MYPN: variants seen among roughly 807,000 people sequenced by gnomAD.
MYPN encodes sarcomeric protein myopalladin, 145 kDa (MYOP).
A neutral mutation model predicts 129.4 loss-of-function variants in MYPN; 63 were observed. The ratio of observed to expected loss-of-function variants is 0.49; its 90% confidence interval spans 0.40 to 0.60. The LOEUF (loss-of-function observed/expected upper bound fraction) is 0.60. Among genes scored for constraint, MYPN ranks in the 20% least tolerant of loss-of-function variants. The pLI, the probability that MYPN is intolerant of heterozygous loss-of-function variation, is 0.00. For synonymous variants in MYPN, 629 were observed against 600.9 expected, an observed-to-expected ratio of 1.05 and a Z score of -0.68; for missense variants, 1,596 against 1,635.4, an observed-to-expected ratio of 0.98 and a Z score of 0.42.
chr10:68,147,933 G>C (rs1213465654), intron 4 of MYPN, among the ~76,000 whole-genome samples: 1 of 152,098 alleles, frequency 6.6e-6, no homozygotes, highest in Admixed American at 6.6e-5. Context: ...TTATATATGA[G>C]AGACCCTGTC....
intron 6 of MYPN, among the ~76,000 whole-genome samples, chr10:68,153,922 GTT>G (rs758603536): frequency 6.9e-6 from 1 of 145,128 alleles, no homozygotes; most frequent in Admixed American, 6.9e-5. Context: ...CAAGAAGCCA[GTT>G]TTTTTTTTTT....
chr10:68,123,203 C>T (rs1291945933), intron 2 of MYPN, among the ~76,000 whole-genome samples: 1 of 151,368 alleles, frequency 6.6e-6, no homozygotes, highest in Non-Finnish European at 1.5e-5. Flanking sequence ...GGCGAAACCC[C>T]ATCTCTACTA....
intron 1 of MYPN, among the ~76,000 whole-genome samples, chr10:68,096,643 C>T (rs555129674): frequency 6.6e-6 from 1 of 152,290 alleles, no homozygotes; most frequent in Non-Finnish European, 1.5e-5. Context: ...TTGTATTTGA[C>T]ATCTGTCCCA....
chr10:68,154,281 C>T (rs370180089), intron 6 of MYPN, among the ~76,000 whole-genome samples: 3 of 152,356 alleles, frequency 2.0e-5, no homozygotes, highest in East Asian at 3.9e-4. Flanking sequence ...TTACTCCTAT[C>T]ACTGCTCCCA....
intron 13 of MYPN, among the ~76,000 whole-genome samples, chr10:68,192,750 G>C (rs1159178623): frequency 1.3e-5 from 2 of 152,006 alleles, no homozygotes; most frequent in African/African-American, 4.8e-5. Context: ...TTGGTAGGTT[G>C]TATGTGTCCA....
chr10:68,130,046 A>G (rs1283230529), intron 2 of MYPN, among the ~76,000 whole-genome samples: 1 of 152,184 alleles, frequency 6.6e-6, no homozygotes, highest in Non-Finnish European at 1.5e-5. Flanking sequence ...AATGAGGTTG[A>G]AATTTTTTTG....
intron 3 of MYPN, among the ~76,000 whole-genome samples, chr10:68,144,913 T>C (rs549036509): frequency 6.6e-6 from 1 of 152,338 alleles, no homozygotes; most frequent in African/African-American, 2.4e-5. Flanking sequence ...GTCAGTTAAT[T>C]TGAACAGTGC....
At chr10:68,192,173 C>A (rs1239788697) in intron 13 of MYPN, among the ~76,000 whole-genome samples, 1 of 152,124 alleles carries the variant, frequency 6.6e-6, no homozygotes, top group African/African-American at 2.4e-5. Flanking sequence ...TGTGTTCCTT[C>A]TACACTCAAT....
intron 1 of MYPN, among the ~76,000 whole-genome samples, chr10:68,099,097 C>T (rs1343078406): frequency 6.6e-6 from 1 of 151,982 alleles, no homozygotes; most frequent in Non-Finnish European, 1.5e-5. Context: ...CTTTTTGTTG[C>T]CTTGTATACC....
intron 18 of MYPN, among the ~76,000 whole-genome samples, chr10:68,202,449 A>G (rs2043734428): frequency 6.6e-6 from 1 of 151,524 alleles, no homozygotes. Flanking sequence ...AAGAAAAAAA[A>G]AAGTACAAGG....
chr10:68,202,812 T>C (rs188400212), intron 18 of MYPN, among the ~76,000 whole-genome samples: 1 of 151,300 alleles, frequency 6.6e-6, no homozygotes, highest in Non-Finnish European at 1.5e-5. Flanking sequence ...GCTGTAGCTG[T>C]TGGGTTTTAA....
intron 1 of MYPN, among the ~76,000 whole-genome samples, chr10:68,091,039 TAAA>T (rs2041928729): frequency 6.6e-6 from 1 of 152,186 alleles, no homozygotes; most frequent in East Asian, 1.9e-4. Flanking sequence ...TTTACAATGA[TAAA>T]AATGGTTTTA....
rs876657922 is a variant in MYPN, at chr10:68,174,535, A to G, written c.2443A>G (p.Ile815Val). The change falls in exon 11 of 20, where the codon ATT (isoleucine) becomes GTT (valine). Residue 815 changes from isoleucine (I) to valine (V), a missense_variant. Physicochemically the swap from Ile to Val is conservative, Grantham distance 29 (BLOSUM62 3). Coordinates refer to ENST00000358913, the MANE Select transcript of MYPN (RefSeq NM_032578.4). ...GTTTCAGCCCCGCTGTGTGTCCCCA[A>G]TTCCTGTCTCTCCTACCAGCCGGAT... is the stretch of plus-strand genomic sequence containing the variant. Reference protein sequence around the residue: ...NQFQPRCVSPIPVSPTSRIQN... With the variant: ...NQFQPRCVSPVPVSPTSRIQN... 1.2e-6 allele frequency: 2 copies of G among 1,614,008 alleles called. No individual in the cohort carries two copies. Among genetic ancestry groups the G allele is most frequent in the Non-Finnish European group, 1.7e-6 (2 of 1,179,948 alleles).
At chr10:68,154,439 C>A (rs2042832849) in intron 6 of MYPN, among the ~76,000 whole-genome samples, 1 of 152,186 alleles carries the variant, frequency 6.6e-6, no homozygotes, top group Non-Finnish European at 1.5e-5. Flanking sequence ...AGGCAGGAAA[C>A]CCTGAAATAA....
chr10:68,116,099 T>C (rs1396352291), intron 1 of MYPN, among the ~76,000 whole-genome samples: 2 of 152,228 alleles, frequency 1.3e-5, no homozygotes, highest in Non-Finnish European at 2.9e-5. Context: ...TGTCTTTTGT[T>C]CACCACTGAA....
chr10:68,088,658 C>T (rs541235841), intron 1 of MYPN, among the ~76,000 whole-genome samples: 1 of 152,224 alleles, frequency 6.6e-6, no homozygotes, highest in African/African-American at 2.4e-5. Flanking sequence ...TGGTAAAAAC[C>T]TTCCAGTGCT....
intron 1 of MYPN, among the ~76,000 whole-genome samples, chr10:68,098,662 G>A (rs1329199206): frequency 1.3e-5 from 2 of 152,104 alleles, no homozygotes; most frequent in East Asian, 1.9e-4. Context: ...TGGGCAACAC[G>A]GCAAAACCTC....
At chr10:68,196,341 C>G in intron 15 of MYPN, among the ~76,000 whole-genome samples, 1 of 152,186 alleles carries the variant, frequency 6.6e-6, no homozygotes, top group East Asian at 1.9e-4. Context: ...CCACCTGAAT[C>G]TTACGGTGCC....
chr10:68,102,883 T>G (rs2041988739), upstream of MYPN, among the ~76,000 whole-genome samples: 1 of 152,236 alleles, frequency 6.6e-6, no homozygotes, highest in African/African-American at 2.4e-5. Context: ...ATCTGCTTAC[T>G]TATCCCTTTT....
Sources: gnomAD v4.1 joint callset for allele counts (sites outside exome capture counted in the v4.1 genomes callset) on GRCh38, gnomAD v4.1.1 for gene constraint, MANE v1.5 for transcripts, NCBI Gene and HGNC (gene_info 2026-07-23, HGNC 2026-07-21) for gene names.